Variants in LRGUK observed in about 807,000 individuals in gnomAD.
LRGUK encodes the protein leucine-rich repeat and guanylate kinase domain-containing protein.
In LRGUK, 65 loss-of-function variants were observed where a neutral mutation model predicts 76.0. The ratio of observed to expected loss-of-function variants is 0.85; its 90% CI spans 0.70 to 1.05. The LOEUF is 1.05. Among genes scored for constraint, LRGUK ranks in the 50% least tolerant of loss-of-function variants. The probability of loss-of-function intolerance (pLI) is 0.00; values close to 1 mark genes in which losing one functional copy is unlikely to be tolerated. For missense variants in LRGUK, 758 were observed against 732.8 expected (o/e 1.03, Z -0.40); for synonymous variants, 268 against 265.6 (o/e 1.01, Z -0.09).
At chr7:134,166,977 T>C (rs866760601) in intron 7 of LRGUK, among the ~76,000 whole-genome samples, 15 of 152,214 alleles carry the variant, frequency 9.9e-5, no homozygotes, top group Admixed American at 2.0e-4. Flanking sequence ...TTAAGTTTGT[T>C]AGATTAGGCC....
At chr7:134,190,770 A>G (rs945993442) in intron 11 of LRGUK, among the ~76,000 whole-genome samples, 8 of 147,626 alleles carry the variant, frequency 5.4e-5, no homozygotes, top group African/African-American at 1.7e-4. Flanking sequence ...AATGCCTACT[A>G]TGTGCCAAGC....
intron 14 of LRGUK, 139 bp from the exon 15 acceptor site, chr7:134,201,342 C>A (rs1800760462): frequency 4.6e-6 from 3 of 654,870 alleles, no homozygotes; most frequent in Non-Finnish European, 7.9e-6. Flanking sequence ...GTGATGTGTC[C>A]TTAGGGTCAT....
At chr7:134,199,982 T>A (rs773838349) in intron 14 of LRGUK, among the ~76,000 whole-genome samples, 281 of 38,400 alleles carry the variant, frequency 7.3e-3, no homozygotes, top group Non-Finnish European at 0.011. Flanking sequence ...CTAGAAACTT[T>A]TATATATATA....
the LRGUK span, among the ~76,000 whole-genome samples, chr7:134,272,543 A>G: frequency 6.6e-6 from 1 of 152,214 alleles, no homozygotes; most frequent in African/African-American, 2.4e-5. Flanking sequence ...TATTATAATC[A>G]GACAAAGTAG....
At chr7:134,225,902 A>G (rs1801730070) in intron 16 of LRGUK, among the ~76,000 whole-genome samples, 1 of 152,170 alleles carries the variant, frequency 6.6e-6, no homozygotes, top group Admixed American at 6.5e-5. Context: ...TTTATGCAGC[A>G]TTTATAATTT....
chr7:134,271,269 T>C, the LRGUK span, among the ~76,000 whole-genome samples: 1 of 152,000 alleles, frequency 6.6e-6, no homozygotes, highest in African/African-American at 2.4e-5. Flanking sequence ...TTTTTTCACC[T>C]TTTAAAATGT....
At chr7:134,140,661 T>C (rs1797729068) in intron 3 of LRGUK, among the ~76,000 whole-genome samples, 1 of 151,796 alleles carries the variant, frequency 6.6e-6, no homozygotes, top group African/African-American at 2.4e-5. Context: ...GTTGCTGATA[T>C]GTCTTCTCTG....
At chr7:134,232,868 T>C (rs1269212854) in intron 16 of LRGUK, among the ~76,000 whole-genome samples, 2 of 152,226 alleles carry the variant, frequency 1.3e-5, no homozygotes, top group Admixed American at 6.5e-5. Flanking sequence ...TCTCTCTTCC[T>C]ATCTTAAATG....
In LRGUK at chr7:134,146,035, G is replaced by A. The variant is rs369535774; in HGVS notation, c.589-2203G>A. ...GGCCTGTAATCCCAGCACTTTGGGAGGCTGACACGGGTGGATCACTTGAGG... is the reference window on the plus strand; with the variant it reads ...GGCCTGTAATCCCAGCACTTTGGGAAGCTGACACGGGTGGATCACTTGAGG... On this transcript the variant is annotated intron_variant, in intron 4 of 15. Transcript: ENST00000645682. Among the ~76,000 whole-genome samples the A allele has an allele frequency of 3.3e-4, 50 of 152,296 alleles. No individual in the cohort carries two copies. In the East Asian group the frequency reaches 8.7e-3, roughly 26 times the overall value.
rs1802472957 is a variant in LRGUK, at chr7:134,252,376, ATT to A, written c.2198+3301_2198+3302del. On this transcript the variant is annotated intron_variant, in intron 18 of 19. Coordinates refer to the LRGUK transcript ENST00000285928. ...ATTAAATTAAATTAAATTAAATTAA[ATT>A]AAAGGGACCTAACATTCTGGCATAG... Among the ~76,000 whole-genome samples, 3 of 150,440 alleles carry A rather than the reference ATT, an allele frequency of 2.0e-5. No individual in the cohort carries two copies. The South Asian group carries it at 6.3e-4, about 31-fold the overall frequency.
At chr7:134,129,873 A>G (rs1457191216) in intron 1 of LRGUK, among the ~76,000 whole-genome samples, 1 of 152,118 alleles carries the variant, frequency 6.6e-6, no homozygotes, top group Admixed American at 6.5e-5. Flanking sequence ...TTGAGGCCAA[A>G]CATATTTCTG....
At chr7:134,168,619 TAAGG>T (rs1446492749) in intron 7 of LRGUK, among the ~76,000 whole-genome samples, 1 of 151,906 alleles carries the variant, frequency 6.6e-6, no homozygotes, top group Non-Finnish European at 1.5e-5. Context: ...GTAGCAGTAG[TAAGG>T]AAGGGAAGGA....
chr7:134,207,788 T>A (rs1459931706), intron 15 of LRGUK, among the ~76,000 whole-genome samples: 2 of 152,162 alleles, frequency 1.3e-5, no homozygotes, highest in Non-Finnish European at 2.9e-5. Context: ...GCTGTTCCAG[T>A]CTGGTGTGCC....
At chr7:134,208,708 A>T (rs1009971784) in exon 16 of LRGUK, 1 of 398,810 alleles carries the variant, frequency 2.5e-6, no homozygotes, top group Non-Finnish European at 4.4e-6. Context: ...TTAAAGCAGG[A>T]GCTCCCGCTA....
At chr7:134,219,952 T>C (rs545240809) in intron 15 of LRGUK, among the ~76,000 whole-genome samples, 1 of 152,272 alleles carries the variant, frequency 6.6e-6, no homozygotes, top group South Asian at 2.1e-4. Flanking sequence ...GCTTCCTGTT[T>C]CTTCATCACA....
downstream of LRGUK, among the ~76,000 whole-genome samples, chr7:134,212,124 T>C (rs1417636366): frequency 6.6e-6 from 1 of 152,258 alleles, no homozygotes; most frequent in Admixed American, 6.5e-5. Flanking sequence ...AAGGGATTAA[T>C]TTGAATGAAT....
At chr7:134,276,215 A>C in the LRGUK span, among the ~76,000 whole-genome samples, 1 of 152,344 alleles carries the variant, frequency 6.6e-6, no homozygotes, top group East Asian at 1.9e-4. Flanking sequence ...TCTTGTAATG[A>C]CATATAATGT....
chr7:134,244,477 A>G (rs1563198089), intron 16 of LRGUK, among the ~76,000 whole-genome samples: 1 of 152,234 alleles, frequency 6.6e-6, no homozygotes, highest in Non-Finnish European at 1.5e-5. Context: ...TGGCCATCAG[A>G]GAAATGCAAA....
intron 18 of LRGUK, among the ~76,000 whole-genome samples, chr7:134,253,639 A>G (rs1802500273): frequency 6.6e-6 from 1 of 152,180 alleles, no homozygotes; most frequent in Non-Finnish European, 1.5e-5. Context: ...ACATGGCAAA[A>G]ACCCATCTCT....
Sources: gnomAD v4.1 joint callset for allele counts (sites outside exome capture counted in the v4.1 genomes callset) on GRCh38, gnomAD v4.1.1 for gene constraint, MANE v1.5 for transcripts, NCBI Gene and HGNC (gene_info 2026-07-23, HGNC 2026-07-21) for gene names.